The following R3HDM2 variants were observed in gnomAD, a reference collection of about 807,000 sequenced individuals.
R3HDM2 encodes R3H domain-containing protein 2.
Under a neutral mutation model 124.5 loss-of-function variants are expected in R3HDM2, and 38 were observed. The ratio of observed to expected loss-of-function variants is 0.31; its 90% CI spans 0.24 to 0.40. The LOEUF (loss-of-function observed/expected upper bound fraction) is 0.40. Among genes scored for constraint, R3HDM2 ranks in the 10% least tolerant of loss-of-function variants. The pLI is 1.00. For synonymous variants in R3HDM2, 391 were observed against 448.0 expected (o/e 0.87, Z 1.61); for missense variants, 869 against 1,236.9 (o/e 0.70, Z 4.46).
At chr12:57,302,039 G>A (rs1371848316) in intron 4 of R3HDM2, among the ~76,000 whole-genome samples, 1 of 152,154 alleles carries the variant, frequency 6.6e-6, no homozygotes, top group African/African-American at 2.4e-5. Context: ...CCGGCACTTT[G>A]GGAGGCCAAG....
chr12:57,391,732 CAA>C (rs2066711908), intron 2 of R3HDM2, among the ~76,000 whole-genome samples: 1 of 152,190 alleles, frequency 6.6e-6, no homozygotes, highest in Non-Finnish European at 1.5e-5. Context: ...ACTCTTTTTG[CAA>C]CTTCCTATAA....
intron 23 of R3HDM2, among the ~76,000 whole-genome samples, chr12:57,255,489 G>T (rs140491733): frequency 6.6e-6 from 1 of 152,312 alleles, no homozygotes; most frequent in Non-Finnish European, 1.5e-5. Context: ...ATGTTCCATA[G>T]TTCCCTTCCC....
chr12:57,305,601 T>C, intron 3 of R3HDM2: 1 of 398,986 alleles, frequency 2.5e-6, no homozygotes, highest in Non-Finnish European at 4.4e-6. Flanking sequence ...CATGTTATCA[T>C]GCTAGCTACT....
chr12:57,321,756 T>C (rs1466432053), intron 2 of R3HDM2, among the ~76,000 whole-genome samples: 3 of 152,074 alleles, frequency 2.0e-5, no homozygotes, highest in Admixed American at 1.3e-4. Flanking sequence ...CCAGAACACA[T>C]ACTATAATAG....
chr12:57,336,199 A>G (rs2058830190), intron 2 of R3HDM2, among the ~76,000 whole-genome samples: 1 of 152,002 alleles, frequency 6.6e-6, no homozygotes, highest in Admixed American at 6.6e-5. Context: ...TACACTATTG[A>G]TGGGAGTGTA....
At chr12:57,409,288 T>G (rs2068798819) in intron 1 of R3HDM2, among the ~76,000 whole-genome samples, 1 of 152,052 alleles carries the variant, frequency 6.6e-6, no homozygotes, top group Non-Finnish European at 1.5e-5. Context: ...AAACATACAA[T>G]ATTATCTTCT....
chr12:57,325,102 A>G (rs977285453), intron 2 of R3HDM2, among the ~76,000 whole-genome samples: 4 of 152,172 alleles, frequency 2.6e-5, no homozygotes, highest in Admixed American at 1.3e-4. Context: ...CTACAAAACT[A>G]TAAGAAAATA....
At chr12:57,417,104 T>G (rs1404490418) in intron 1 of R3HDM2, among the ~76,000 whole-genome samples, 1 of 147,842 alleles carries the variant, frequency 6.8e-6, no homozygotes, top group Non-Finnish European at 1.5e-5. Context: ...GGCGACAGAA[T>G]GAGACTCTGT....
chr12:57,369,108 A>G lies in R3HDM2; in HGVS notation c.-36+26641T>C, dbSNP rs117478125. On this transcript the variant is annotated intron_variant, in intron 2 of 23. Coordinates refer to ENST00000402412, the MANE Select transcript of R3HDM2 (RefSeq NM_001394031.1). ...TTACTCAAGAACTTTCTTGTCACCT[A>G]CCCCCACTCTCCCATTTCCCACTTC... is the stretch of plus-strand genomic sequence containing the variant. 8.4e-4 allele frequency among the ~76,000 whole-genome samples: 127 copies of G among 151,930 alleles called. 5 individuals are homozygous for G. In the East Asian group the frequency reaches 0.019, roughly 22 times the overall value.
chr12:57,393,958 TA>T (rs1367405656), intron 2 of R3HDM2, among the ~76,000 whole-genome samples: 1 of 152,150 alleles, frequency 6.6e-6, no homozygotes, highest in Non-Finnish European at 1.5e-5. Context: ...TATTCCCAGA[TA>T]AACAGAAAGA....
At chr12:57,429,442 T>C (rs796214372) in intron 1 of R3HDM2, among the ~76,000 whole-genome samples, 5 of 152,220 alleles carry the variant, frequency 3.3e-5, no homozygotes, top group African/African-American at 1.2e-4. Context: ...ATTTAAACTT[T>C]TTGTCTTTCC....
chr12:57,416,906 T>C (rs899969574), intron 1 of R3HDM2, among the ~76,000 whole-genome samples: 2 of 149,774 alleles, frequency 1.3e-5, no homozygotes, highest in African/African-American at 2.5e-5. Flanking sequence ...GGTCAGGAGA[T>C]CAAGACCAGC....
At chr12:57,270,757 C>T (rs1031920836) in intron 14 of R3HDM2, among the ~76,000 whole-genome samples, 7 of 151,876 alleles carry the variant, frequency 4.6e-5, no homozygotes, top group Middle Eastern at 3.2e-3. Flanking sequence ...TTAGTAGAGA[C>T]GGGATTTCAC....
intron 2 of R3HDM2, among the ~76,000 whole-genome samples, chr12:57,366,240 G>C (rs577734091): frequency 1.3e-4 from 19 of 151,846 alleles, no homozygotes; most frequent in African/African-American, 4.6e-4. Context: ...CTGCAGCCTT[G>C]AATTCCTGGG....
chr12:57,409,109 T>C (rs2068782660), intron 1 of R3HDM2, among the ~76,000 whole-genome samples: 2 of 152,168 alleles, frequency 1.3e-5, no homozygotes, highest in African/African-American at 2.4e-5. Flanking sequence ...AGTAAGGTTC[T>C]TTAACACACA....
At chr12:57,317,830 A>C (rs2055465472) in intron 2 of R3HDM2, among the ~76,000 whole-genome samples, 1 of 151,394 alleles carries the variant, frequency 6.6e-6, no homozygotes, top group African/African-American at 2.4e-5. Context: ...CAAAAAAATT[A>C]CTAGCCGGGT....
At chr12:57,333,427 T>G (rs948742948) in intron 2 of R3HDM2, among the ~76,000 whole-genome samples, 1 of 152,144 alleles carries the variant, frequency 6.6e-6, no homozygotes, top group African/African-American at 2.4e-5. Context: ...CAGTGGCTCA[T>G]GCCTGTAATC....
At chr12:57,258,310 T>TTTTATTTATTTATTTATTTA (rs201590705) in intron 20 of R3HDM2, among the ~76,000 whole-genome samples, 173 bp from the exon 21 acceptor site, 1 of 145,016 alleles carries the variant, frequency 6.9e-6, no homozygotes, top group Admixed American at 6.8e-5. Flanking sequence ...ATTTATGCTA[T>TTTTATTTATTTATTTATTTA]TTTATTTATT....
At chr12:57,311,660 A>G (rs867795422) in intron 2 of R3HDM2, among the ~76,000 whole-genome samples, 35 of 152,274 alleles carry the variant, frequency 2.3e-4, no homozygotes, top group African/African-American at 7.7e-4. Flanking sequence ...GGTGTGAGCC[A>G]TCGCACCCAG....
Sources: allele counts gnomAD v4.1 joint callset (sites outside exome capture counted in the v4.1 genomes callset), GRCh38; gene constraint gnomAD v4.1.1; transcripts MANE v1.5; gene names NCBI Gene and HGNC (gene_info 2026-07-23, HGNC 2026-07-21).